Variants in SLC25A48 observed in about 807,000 individuals in gnomAD.
SLC25A48 encodes CTC-321K16.1.
In SLC25A48, 29 loss-of-function variants were observed where a neutral mutation model predicts 32.2. The observed-to-expected ratio is 0.90, with a 90% CI of 0.67 to 1.23. The LOEUF (loss-of-function observed/expected upper bound fraction) is 1.23, where lower values mean the gene tolerates loss of function less well. Among genes scored for constraint, SLC25A48 ranks in the 50% most tolerant of loss-of-function variants. The pLI, the probability that SLC25A48 is intolerant of heterozygous loss-of-function variation, is 0.00. For synonymous variants in SLC25A48, 164 were observed against 172.3 expected (o/e 0.95, Z 0.38); for missense variants, 399 against 422.7 (o/e 0.94, Z 0.49).
chr5:135,739,060 C>G (rs1395182606), intron 3 of SLC25A48, among the ~76,000 whole-genome samples: 1 of 152,092 alleles, frequency 6.6e-6, no homozygotes, highest in Non-Finnish European at 1.5e-5. Flanking sequence ...CCAGCCTGGG[C>G]AACACAGCGA....
intron 3 of SLC25A48, among the ~76,000 whole-genome samples, chr5:135,690,904 A>G (rs936608500): frequency 6.6e-6 from 1 of 151,784 alleles, no homozygotes; most frequent in Non-Finnish European, 1.5e-5. Context: ...CCTGTAATTC[A>G]TGGTCAGAAT....
chr5:135,607,753 G>A (rs1751971018), intron 1 of SLC25A48, among the ~76,000 whole-genome samples: 1 of 152,194 alleles, frequency 6.6e-6, no homozygotes, highest in Non-Finnish European at 1.5e-5. Context: ...CCTAGTGGAA[G>A]CTCATCTTGG....
intron 1 of SLC25A48, among the ~76,000 whole-genome samples, chr5:135,589,751 G>C (rs1751464799): frequency 6.6e-6 from 1 of 152,176 alleles, no homozygotes; most frequent in African/African-American, 2.4e-5. Context: ...CTGGAGTGCA[G>C]TGGCACGATC....
chr5:135,637,660 G>A (rs761017809), intron 3 of SLC25A48, among the ~76,000 whole-genome samples: 4 of 152,218 alleles, frequency 2.6e-5, no homozygotes, highest in African/African-American at 4.8e-5. Context: ...CTGGTAGATA[G>A]CAAAGCACAG....
At chr5:135,881,792 T>C (rs889199553) in intron 7 of SLC25A48, among the ~76,000 whole-genome samples, 4 of 152,248 alleles carry the variant, frequency 2.6e-5, no homozygotes, top group African/African-American at 9.6e-5. Flanking sequence ...CTTGTTGTTA[T>C]TCTTCCAAGT....
At chr5:135,634,554 G>A (rs1425252536) in intron 2 of SLC25A48, among the ~76,000 whole-genome samples, 2 of 152,246 alleles carry the variant, frequency 1.3e-5, no homozygotes, top group African/African-American at 4.8e-5. Context: ...AACCCAAAGA[G>A]AAGGTCATAA....
chr5:135,862,374 ACT>A (rs1760868028), intron 4 of SLC25A48, among the ~76,000 whole-genome samples: 1 of 152,092 alleles, frequency 6.6e-6, no homozygotes, highest in Non-Finnish European at 1.5e-5. Context: ...CTGAACATTA[ACT>A]CTGTGCTGAC....
At chr5:135,824,231 C>T (rs1462412193) in intron 4 of SLC25A48, among the ~76,000 whole-genome samples, 1 of 152,132 alleles carries the variant, frequency 6.6e-6, no homozygotes, top group Non-Finnish European at 1.5e-5. Flanking sequence ...AGTGCTTGAG[C>T]AATCTAGCCA....
chr5:135,851,990 G>A (rs551976727), intron 3 of SLC25A48, among the ~76,000 whole-genome samples: 1 of 152,158 alleles, frequency 6.6e-6, no homozygotes, highest in African/African-American at 2.4e-5. Context: ...GGCACCCCTC[G>A]GGGGTCTAGG....
intron 3 of SLC25A48, among the ~76,000 whole-genome samples, chr5:135,810,364 A>G (rs938600205): frequency 3.9e-5 from 6 of 152,106 alleles, no homozygotes; most frequent in African/African-American, 1.4e-4. Flanking sequence ...TCACTTGCCA[A>G]TTACTGTTTT....
At chr5:135,621,816 A>G (rs1326251910) in intron 1 of SLC25A48, among the ~76,000 whole-genome samples, 1 of 152,196 alleles carries the variant, frequency 6.6e-6, no homozygotes, top group Non-Finnish European at 1.5e-5. Context: ...TACAGAGTAG[A>G]GAATCTAGTT....
At chr5:135,807,947 T>C (rs1337700974) in intron 3 of SLC25A48, among the ~76,000 whole-genome samples, 1 of 150,726 alleles carries the variant, frequency 6.6e-6, no homozygotes, top group East Asian at 2.0e-4. Context: ...TTTAATATCA[T>C]AGTGTGTTTA....
At chr5:135,853,217 C>T (rs892934710) in intron 4 of SLC25A48, among the ~76,000 whole-genome samples, 9 of 152,140 alleles carry the variant, frequency 5.9e-5, no homozygotes, top group South Asian at 2.1e-4. Context: ...GGTCTTGCCT[C>T]GATGTTGATG....
rs564048258 is a variant in SLC25A48 at position 135,710,460 on chromosome 5, C to T, written c.-521+75504C>T. ...GTTTTGTTCCGTCTTGTTTTGATCA[C>T]TGACAAAGGCAGGCTTATGTCATGA... On this transcript the variant is annotated intron_variant, in intron 3 of 10. Coordinates refer to the SLC25A48 transcript ENST00000646290. Among the ~76,000 whole-genome samples the T allele has an allele frequency of 2.6e-5, 4 of 152,314 alleles. No individual in the cohort carries two copies. The East Asian group carries it at 5.8e-4, about 22-fold the overall frequency.
At chr5:135,590,679 C>G (rs189394882) in intron 1 of SLC25A48, among the ~76,000 whole-genome samples, 1 of 152,276 alleles carries the variant, frequency 6.6e-6, no homozygotes, top group East Asian at 1.9e-4. Context: ...TGGCCCACCC[C>G]CACCCCAACA....
chr5:135,856,046 G>A (rs1203182091), intron 4 of SLC25A48, among the ~76,000 whole-genome samples: 1 of 152,232 alleles, frequency 6.6e-6, no homozygotes, highest in East Asian at 1.9e-4. Flanking sequence ...CACTTGCTGT[G>A]CAGAGCAGAG....
chr5:135,596,757 A>T (rs1195125597), intron 1 of SLC25A48, among the ~76,000 whole-genome samples: 1 of 152,132 alleles, frequency 6.6e-6, no homozygotes, highest in Non-Finnish European at 1.5e-5. Context: ...TTCATGCCCC[A>T]CTTTTCATTA....
At chr5:135,823,121 C>G (rs759793935) in intron 4 of SLC25A48, among the ~76,000 whole-genome samples, 2 of 151,752 alleles carry the variant, frequency 1.3e-5, no homozygotes, top group Non-Finnish European at 2.9e-5. Context: ...GTGTCAGGGG[C>G]GGGGACTCAA....
Position 135,842,515 on chromosome 5 carries a change from C to T in SLC25A48, c.90+56C>T, listed in dbSNP as rs1185417228. 6 of 1,514,176 alleles carry T rather than the reference C, an allele frequency of 4.0e-6. No homozygotes were observed. The Admixed American group carries it at 6.7e-5, about 17-fold the overall frequency. 93.8% of individuals were successfully genotyped at this position (1,514,176 alleles called of 1,614,324 possible). A position where few individuals can be genotyped will look rare whatever the true frequency, so the allele number is the denominator to read the frequency against. ...AAAAAGAGGCATGGAGCTGACCTGC[C>T]TCTGGGACTATTCCTGCTGTTTCTA... is the stretch of plus-strand genomic sequence containing the variant. On this transcript the variant is annotated intron_variant, in intron 2 of 7. Transcript: ENST00000681962.
Sources: gnomAD v4.1 joint callset for allele counts (sites outside exome capture counted in the v4.1 genomes callset) on GRCh38, gnomAD v4.1.1 for gene constraint, MANE v1.5 for transcripts, NCBI Gene and HGNC (gene_info 2026-07-23, HGNC 2026-07-21) for gene names.